Variants in AGBL1 observed in about 807,000 individuals in gnomAD.
The protein encoded by AGBL1 is cytosolic carboxypeptidase 4.
A neutral mutation model predicts 118.9 loss-of-function variants in AGBL1; 130 were observed. The observed-to-expected ratio is 1.09, with a 90% CI of 0.95 to 1.26. The LOEUF is 1.26. Among genes scored for constraint, AGBL1 ranks in the 50% most tolerant of loss-of-function variants. The pLI, the probability that AGBL1 is intolerant of heterozygous loss-of-function variation, is 0.00. For missense variants in AGBL1, 1,584 were observed against 1,298.1 expected (o/e 1.22, Z -3.38); for synonymous variants, 555 against 478.9 (o/e 1.16, Z -2.08).
At chr15:86,115,301 A>G (rs1228696326) in intron 1 of AGBL1, among the ~76,000 whole-genome samples, 1 of 152,176 alleles carries the variant, frequency 6.6e-6, no homozygotes, top group East Asian at 1.9e-4. Flanking sequence ...ACTTTATTCT[A>G]GTCTAGACCT....
chr15:86,390,898 G>C (rs1166587467), intron 17 of AGBL1, among the ~76,000 whole-genome samples: 3 of 151,706 alleles, frequency 2.0e-5, no homozygotes, highest in Non-Finnish European at 4.4e-5. Flanking sequence ...TTGAAATCCT[G>C]ACCTCAGGTG....
At chr15:86,262,077 G>GTTTTTTTTTTTTTTTTTTTTTTTTTTT (rs1491268138) in intron 9 of AGBL1, among the ~76,000 whole-genome samples, 1 of 3,494 alleles carries the variant, frequency 2.9e-4, no homozygotes, top group Non-Finnish European at 8.6e-4. Context: ...TGCATAGCTG[G>GTTTTTTTTTTTTTTTTTTTTTTTTTTT]CTTTTTTTTT....
chr15:86,637,355 G>A (rs1049485662), intron 21 of AGBL1, among the ~76,000 whole-genome samples: 2 of 152,128 alleles, frequency 1.3e-5, no homozygotes, highest in African/African-American at 4.8e-5. Flanking sequence ...GGATAACGTG[G>A]ATTGTTTCAG....
chr15:86,843,629 A>C (rs1226406341), intron 22 of AGBL1, among the ~76,000 whole-genome samples: 1 of 152,212 alleles, frequency 6.6e-6, no homozygotes, highest in Non-Finnish European at 1.5e-5. Context: ...TCTCCTTTCA[A>C]CCTTAATTAC....
chr15:86,673,226 C>G (rs1363797273), intron 21 of AGBL1, among the ~76,000 whole-genome samples: 1 of 152,130 alleles, frequency 6.6e-6, no homozygotes, highest in Non-Finnish European at 1.5e-5. Context: ...AATATTATGA[C>G]TGTGAAATAT....
chr15:86,318,364 TTTTC>T (rs1316635703), intron 17 of AGBL1, among the ~76,000 whole-genome samples: 4 of 152,220 alleles, frequency 2.6e-5, no homozygotes, highest in African/African-American at 9.6e-5. Flanking sequence ...TGTTATTTTC[TTTTC>T]TGTCTGTTTT....
At chr15:86,350,913 A>C (rs2080615496) in intron 17 of AGBL1, among the ~76,000 whole-genome samples, 1 of 152,222 alleles carries the variant, frequency 6.6e-6, no homozygotes, top group Non-Finnish European at 1.5e-5. Context: ...GTTTTCAATG[A>C]GCAATTCAAA....
chr15:86,611,492 A>C (rs963949098), intron 21 of AGBL1, among the ~76,000 whole-genome samples: 1 of 152,140 alleles, frequency 6.6e-6, no homozygotes, highest in Non-Finnish European at 1.5e-5. Flanking sequence ...CTAGAATTTG[A>C]ACTCAACCCC....
chr15:86,337,108 C>T (rs1186405142), intron 17 of AGBL1, among the ~76,000 whole-genome samples: 1 of 152,210 alleles, frequency 6.6e-6, no homozygotes, highest in Admixed American at 6.5e-5. Context: ...ATCCTGGGAG[C>T]ATTTGTATTC....
intron 18 of AGBL1, among the ~76,000 whole-genome samples, chr15:86,441,328 T>A (rs975449869): frequency 3.3e-5 from 5 of 152,222 alleles, no homozygotes; most frequent in Non-Finnish European, 5.9e-5. Flanking sequence ...TGTTTTTCCT[T>A]TGGAACCAAA....
At chr15:86,800,173 T>C (rs2078630176) in intron 22 of AGBL1, among the ~76,000 whole-genome samples, 1 of 152,052 alleles carries the variant, frequency 6.6e-6, no homozygotes, top group Non-Finnish European at 1.5e-5. Flanking sequence ...TGATAGGATA[T>C]TATTTTTTTT....
chr15:86,536,810 A>G (rs1398247658), intron 19 of AGBL1, among the ~76,000 whole-genome samples: 1 of 152,204 alleles, frequency 6.6e-6, no homozygotes, highest in Non-Finnish European at 1.5e-5. Flanking sequence ...GAAATAGGTG[A>G]AAGCAAGAAA....
At chr15:86,192,732 A>G (rs1012873703) in intron 5 of AGBL1, among the ~76,000 whole-genome samples, 2 of 152,234 alleles carry the variant, frequency 1.3e-5, no homozygotes, top group African/African-American at 4.8e-5. Context: ...AGTGGTATAT[A>G]TGAAAAATCA....
intron 22 of AGBL1, among the ~76,000 whole-genome samples, chr15:86,691,139 T>A (rs1400610718): frequency 6.6e-6 from 1 of 152,044 alleles, no homozygotes; most frequent in Non-Finnish European, 1.5e-5. Flanking sequence ...GGAAGCAAAA[T>A]TGTTTCTAAA....
chr15:87,025,413 T>G lies in AGBL1; in HGVS notation c.3324-3412T>G, dbSNP rs904042603. On this transcript the variant is annotated intron_variant, in intron 24 of 24. Transcript: ENST00000441037. ...AAAACAAAAACAAAAACAAAAAACA[T>G]GAAAAAAACTTAGGAATATGCCTAA... 7.9e-4 allele frequency among the ~76,000 whole-genome samples: 119 copies of G among 150,180 alleles called. 9 individuals carry two copies. Among genetic ancestry groups the G allele is most frequent in the Non-Finnish European group, 3.0e-5 (2 of 67,024 alleles).
At chr15:86,266,806 C>T (rs890765285) in intron 12 of AGBL1, among the ~76,000 whole-genome samples, 184 bp from the exon 13 acceptor site, 2 of 152,172 alleles carry the variant, frequency 1.3e-5, no homozygotes, top group African/African-American at 4.8e-5. Flanking sequence ...GAGGCTGAGG[C>T]AGGAGAAGCG....
intron 5 of AGBL1, among the ~76,000 whole-genome samples, chr15:86,193,195 C>T (rs569865823): frequency 2.2e-4 from 34 of 152,222 alleles, no homozygotes; most frequent in Middle Eastern, 3.4e-3. Context: ...GGAGATGTCA[C>T]TGAGAGGAGG....
intron 18 of AGBL1, among the ~76,000 whole-genome samples, chr15:86,494,209 G>A (rs567295379): frequency 6.6e-6 from 1 of 152,196 alleles, no homozygotes; most frequent in East Asian, 1.9e-4. Flanking sequence ...ACTTTATTAT[G>A]TGGTTAATAT....
chr15:86,995,649 G>C (rs1345771391), intron 24 of AGBL1, among the ~76,000 whole-genome samples: 1 of 152,046 alleles, frequency 6.6e-6, no homozygotes, highest in Non-Finnish European at 1.5e-5. Context: ...CTGACCTGAG[G>C]GGCAGCTTTT....
Sources: allele counts gnomAD v4.1 joint callset (sites outside exome capture counted in the v4.1 genomes callset), GRCh38; gene constraint gnomAD v4.1.1; transcripts MANE v1.5; gene names NCBI Gene and HGNC (gene_info 2026-07-23, HGNC 2026-07-21).